TENM3: variants seen among roughly 807,000 people sequenced by gnomAD.
The protein encoded by TENM3 is teneurin transmembrane protein 3, also known as teneurin-3.
TENM3 carries 63 observed loss-of-function variants against 255.1 expected under a neutral mutation model. That is an observed-to-expected ratio of 0.25 (90% CI 0.20 to 0.30). The LOEUF (loss-of-function observed/expected upper bound fraction) is 0.30, where lower values mean the gene tolerates loss of function less well. TENM3 is among the 10% of genes least tolerant of loss of function. The pLI, the probability that TENM3 is intolerant of heterozygous loss-of-function variation, is 1.00. For synonymous variants in TENM3, 1,306 were observed against 1,322.3 expected (o/e 0.99, Z 0.27); for missense variants, 2,929 against 3,461.1 (o/e 0.85, Z 3.86).
Position 182,324,089 on chromosome 4 carries a change from C to T in TENM3, c.69C>T (p.Tyr23=). 6.2e-7 allele frequency: 1 copy of T among 1,613,980 alleles called. No homozygotes were observed. The highest frequency in any genetic ancestry group is 1.6e-4 in the Middle Eastern group (1 of 6,062). ...GCAGACGAGAGAAGGAACGGCGCTA[C>T]ACAAATTCCTCCGCAGACAATGAGG... ...TKSRREKERR[Y]TNSSADNEEC... Residue 23 remains tyrosine, a synonymous_variant, in exon 2 of 28, where the codon TAC becomes TAT. Coordinates refer to ENST00000511685, the MANE Select transcript of TENM3 (RefSeq NM_001080477.4).
intron 1 of TENM3, among the ~76,000 whole-genome samples, chr4:182,251,518 A>T (rs1175231320): frequency 6.6e-6 from 1 of 152,182 alleles, no homozygotes; most frequent in Non-Finnish European, 1.5e-5. Flanking sequence ...GTTAAAATGG[A>T]AAAGTGTGGG....
At chr4:181,506,169 TACTG>T in the TENM3 span, among the ~76,000 whole-genome samples, 1 of 152,154 alleles carries the variant, frequency 6.6e-6, no homozygotes, top group Admixed American at 6.5e-5. Flanking sequence ...TAGTTTAAAT[TACTG>T]ACTGTATCAA....
chr4:182,780,817 A>G (rs1765107066), intron 24 of TENM3, among the ~76,000 whole-genome samples: 1 of 151,666 alleles, frequency 6.6e-6, no homozygotes, highest in South Asian at 2.1e-4. Context: ...TGTTTGAAGC[A>G]ATTGTGAATG....
intron 22 of TENM3, among the ~76,000 whole-genome samples, chr4:182,761,712 G>A (rs1763213960): frequency 6.6e-6 from 1 of 152,052 alleles, no homozygotes; most frequent in Non-Finnish European, 1.5e-5. Flanking sequence ...ACATTTAGGA[G>A]TTTAAGAATG....
At chr4:181,817,164 A>G in the TENM3 span, among the ~76,000 whole-genome samples, 1 of 152,140 alleles carries the variant, frequency 6.6e-6, no homozygotes, top group African/African-American at 2.4e-5. Flanking sequence ...TAGTTATATA[A>G]AAGTTTAGGA....
the TENM3 span, among the ~76,000 whole-genome samples, chr4:181,769,810 A>C: frequency 1.3e-5 from 2 of 152,158 alleles, no homozygotes; most frequent in Non-Finnish European, 2.9e-5. Context: ...TGTTTCTCTT[A>C]TTGCATGTTT....
intron 4 of TENM3, among the ~76,000 whole-genome samples, chr4:182,611,687 G>T (rs1749019195): frequency 6.6e-6 from 1 of 152,096 alleles, no homozygotes; most frequent in Non-Finnish European, 1.5e-5. Context: ...ATATTGATGG[G>T]ACTATTTCCA....
chr4:182,648,288 G>GTTTT (rs11445381), intron 5 of TENM3, among the ~76,000 whole-genome samples: 1 of 146,428 alleles, frequency 6.8e-6, no homozygotes. Flanking sequence ...CTTTTAAGTT[G>GTTTT]TTTTTTTTTT....
At chr4:182,304,001 A>T (rs1322364746) in intron 1 of TENM3, among the ~76,000 whole-genome samples, 1 of 152,150 alleles carries the variant, frequency 6.6e-6, no homozygotes, top group African/African-American at 2.4e-5. Context: ...AAAGTCATGG[A>T]GACATATAAA....
At chr4:182,370,718 G>A (rs936612085) in intron 3 of TENM3, among the ~76,000 whole-genome samples, 3 of 152,200 alleles carry the variant, frequency 2.0e-5, no homozygotes, top group South Asian at 2.1e-4. Context: ...CTCTTAAAAC[G>A]CAATCTGGAG....
Position 182,681,357 on chromosome 4 carries a change from A to G in TENM3, c.1835-457A>G, listed in dbSNP as rs1756160638. On this transcript the variant is annotated intron_variant, in intron 10 of 27. Coordinates refer to ENST00000511685, the MANE Select transcript of TENM3 (RefSeq NM_001080477.4). ...ACAAGTGTAAAGTTTTATTGAGTCAAATTGCTAAATTAAATCTCGTCATCT... is the reference window on the plus strand; with the variant it reads ...ACAAGTGTAAAGTTTTATTGAGTCAGATTGCTAAATTAAATCTCGTCATCT... Among the ~76,000 whole-genome samples the G allele has an allele frequency of 1.3e-5, 2 of 152,232 alleles. 1 individual carries two copies. Among genetic ancestry groups the G allele is most frequent in the South Asian group, 4.1e-4 (2 of 4,834 alleles).
At chr4:182,118,004 G>A in the TENM3 span, among the ~76,000 whole-genome samples, 7 of 151,986 alleles carry the variant, frequency 4.6e-5, no homozygotes, top group South Asian at 4.1e-4. Context: ...CATTTTTTAC[G>A]TGCTAATGCA....
the TENM3 span, among the ~76,000 whole-genome samples, chr4:181,631,812 G>A: frequency 6.6e-6 from 1 of 152,116 alleles, no homozygotes; most frequent in Non-Finnish European, 1.5e-5. Context: ...GAATCTTGTG[G>A]GTCATTTCCA....
the TENM3 span, among the ~76,000 whole-genome samples, chr4:181,490,312 G>A: frequency 6.6e-6 from 1 of 152,142 alleles, no homozygotes; most frequent in Non-Finnish European, 1.5e-5. Flanking sequence ...AGATGGCTCA[G>A]TATCACCAGA....
the TENM3 span, among the ~76,000 whole-genome samples, chr4:181,819,072 AG>A: frequency 6.6e-6 from 1 of 152,162 alleles, no homozygotes; most frequent in Non-Finnish European, 1.5e-5. Context: ...TTGCCCATGA[AG>A]GTGAGCCCCG....
chr4:182,313,370 G>C (rs1762562712), intron 1 of TENM3, among the ~76,000 whole-genome samples: 1 of 151,720 alleles, frequency 6.6e-6, no homozygotes, highest in South Asian at 2.1e-4. Flanking sequence ...ATGATGAGTA[G>C]TTTTGAATTT....
chr4:181,540,620 G>C, the TENM3 span, among the ~76,000 whole-genome samples: 28 of 152,222 alleles, frequency 1.8e-4, no homozygotes, highest in East Asian at 4.8e-3. Flanking sequence ...TAGCCCTGTG[G>C]TCTTCCTCCC....
At chr4:182,086,043 T>A in the TENM3 span, among the ~76,000 whole-genome samples, 12 of 152,330 alleles carry the variant, frequency 7.9e-5, no homozygotes, top group Middle Eastern at 3.4e-3. Context: ...AAATAGTTGC[T>A]CTTCCTTTGA....
chr4:181,758,760 A>G, the TENM3 span, among the ~76,000 whole-genome samples: 35 of 152,292 alleles, frequency 2.3e-4, no homozygotes, highest in Non-Finnish European at 4.6e-4. Context: ...CAGCACCTAC[A>G]TCGGGCCTCA....
Sources: allele counts gnomAD v4.1 joint callset (sites outside exome capture counted in the v4.1 genomes callset), GRCh38; gene constraint gnomAD v4.1.1; transcripts MANE v1.5; gene names NCBI Gene and HGNC (gene_info 2026-07-23, HGNC 2026-07-21).